KIF26A: variants seen among roughly 807,000 people sequenced by gnomAD.
KIF26A encodes the protein kinesin family member 26A, also known as kinesin-like protein KIF26A.
A neutral mutation model predicts 126.0 loss-of-function variants in KIF26A; 74 were observed. That is an observed-to-expected ratio of 0.59 (90% CI 0.49 to 0.71). KIF26A has a LOEUF of 0.71. KIF26A is among the 30% of genes least tolerant of loss of function. The pLI is 0.00. For synonymous variants in KIF26A, 1,445 were observed against 1,232.7 expected (o/e 1.17, Z -3.61); for missense variants, 2,984 against 2,763.3 (o/e 1.08, Z -1.79).
chr14:104,139,195 C>T lies in KIF26A; in HGVS notation c.195C>T (p.Gly65=), dbSNP rs1418087142. The T allele has an allele frequency of 1.0e-5, 16 of 1,547,854 alleles. No homozygotes were observed. The South Asian group carries it at 1.6e-4, about 15-fold the overall frequency. The change falls in exon 2 of 15, where the codon GGC becomes GGT. Residue 65 remains glycine (G), a synonymous_variant. Coordinates refer to ENST00000423312, the MANE Select transcript of KIF26A (RefSeq NM_015656.2). The part of the protein sequence containing the change: ...GAGPEQGHSA[G]GGGWCRHCHT... ...GCCCAGAGCAGGGCCACTCGGCCGG[C>T]GGAGGCGGCTGGTGCCGCCACTGCC...
chr14:104,174,135 C>A lies in KIF26A; in HGVS notation c.2031-13C>A. 1 of 1,547,066 alleles carries A rather than the reference C, an allele frequency of 6.5e-7. No homozygotes were observed. Among genetic ancestry groups the A allele is most frequent in the Non-Finnish European group, 8.8e-7 (1 of 1,142,718 alleles). On this transcript the variant is annotated splice_polypyrimidine_tract_variant and intron_variant, in intron 10 of 14. Coordinates refer to ENST00000423312, the MANE Select transcript of KIF26A (RefSeq NM_015656.2). ...TCCCAAGGCCTTGGCATCTGAACCGCCTCGACCCGCAGGGACCACAGGCTC... is the reference window on the plus strand; with the variant it reads ...TCCCAAGGCCTTGGCATCTGAACCGACTCGACCCGCAGGGACCACAGGCTC...
intron 2 of KIF26A, among the ~76,000 whole-genome samples, chr14:104,149,323 G>A (rs767992753): frequency 3.2e-4 from 49 of 152,176 alleles, no homozygotes; most frequent in Admixed American, 1.6e-3. Flanking sequence ...GGAGGGGTGC[G>A]TGGCCCACTC....
intron 4 of KIF26A, among the ~76,000 whole-genome samples, chr14:104,164,000 C>T (rs187191794): frequency 1.1e-3 from 170 of 152,292 alleles, no homozygotes; most frequent in Middle Eastern, 3.4e-3. Flanking sequence ...CACCACTGCC[C>T]TACTAAGGAC....
chr14:104,174,310 G>C lies in KIF26A; in HGVS notation c.2193G>C (p.Lys731Asn). The change falls in exon 11 of 15, where the codon AAG becomes AAC. Residue 731 changes from lysine to asparagine, a missense_variant and splice_region_variant. Lys to Asn is a moderately conservative substitution (Grantham distance 94, BLOSUM62 0). Coordinates refer to ENST00000423312, the MANE Select transcript of KIF26A (RefSeq NM_015656.2). The part of the protein sequence containing the change: ...RIHRLRRKKA[K>N]YASSSSGGES... Reference sequence around the variant, plus strand: ...ACCGCCTGCGCAGGAAGAAGGCCAAGGTGCTCCCCACCTCCTGCCCGCCCC... The same window carrying C: ...ACCGCCTGCGCAGGAAGAAGGCCAACGTGCTCCCCACCTCCTGCCCGCCCC... 6.5e-7 allele frequency: 1 copy of C among 1,531,514 alleles called. No individual in the cohort carries two copies. The highest frequency in any genetic ancestry group is 2.5e-5 in the East Asian group (1 of 40,094). 94.9% of individuals were successfully genotyped at this position (1,531,514 alleles called of 1,614,324 possible). A position where few individuals can be genotyped will look rare whatever the true frequency, so the allele number is the denominator to read the frequency against.
At chr14:104,160,559 A>G (rs575073419) in intron 4 of KIF26A, among the ~76,000 whole-genome samples, 9 of 152,268 alleles carry the variant, frequency 5.9e-5, no homozygotes, top group African/African-American at 2.2e-4. Flanking sequence ...CAGCTGTGAC[A>G]GAGCTTGGCA....
Position 104,177,645 on chromosome 14 carries a change from A to G in KIF26A, c.4857A>G (p.Pro1619=), listed in dbSNP as rs1245550301. 3 of 1,526,262 alleles carry G rather than the reference A, an allele frequency of 2.0e-6. No homozygotes were observed. The highest frequency in any genetic ancestry group is 2.6e-6 in the Non-Finnish European group (3 of 1,141,172). The allele number at this position is 1,526,262 out of a possible 1,614,324, so 94.5% of individuals were successfully genotyped here. ...CCCCCTACAGCAAGGTGACCGCCCC[A>G]CGGCGGCCCCAGCGCTACAGCAGCG... ...LPSPYSKVTA[P]RRPQRYSSGH... is the part of the protein sequence containing the mutation. Residue 1619 remains proline (P), a synonymous_variant, in exon 12 of 15, where the codon CCA becomes CCG. Coordinates refer to ENST00000423312, the MANE Select transcript of KIF26A (RefSeq NM_015656.2).
At chr14:104,155,285 T>C (rs542045261) in intron 3 of KIF26A, among the ~76,000 whole-genome samples, 53 of 152,312 alleles carry the variant, frequency 3.5e-4, no homozygotes, top group African/African-American at 1.3e-3. Context: ...GGAGGGCTCC[T>C]AAGAAGAGAG....
intron 5 of KIF26A, among the ~76,000 whole-genome samples, chr14:104,170,150 GTC>G (rs1427277392): frequency 6.6e-6 from 1 of 152,244 alleles, no homozygotes; most frequent in Non-Finnish European, 1.5e-5. Context: ...CCGCTAGGAA[GTC>G]TCTCAAATCT....
Position 104,176,170 on chromosome 14 carries a change from A to G in KIF26A, c.3382A>G (p.Thr1128Ala). The change falls in exon 12 of 15, where the codon ACG (threonine) becomes GCG (alanine). Residue 1128 changes from threonine to alanine, a missense_variant. Physicochemically the swap from Thr to Ala is moderately conservative, Grantham distance 58. Transcript: ENST00000423312. ...SVCTADSRDP[T>A]PQPRFSPDSL... ...CTGCACTGCCGACAGCCGTGACCCCACGCCGCAGCCCCGCTTCAGCCCCGA... is the reference window on the plus strand; with the variant it reads ...CTGCACTGCCGACAGCCGTGACCCCGCGCCGCAGCCCCGCTTCAGCCCCGA... 1 of 1,592,228 alleles carries G rather than the reference A, an allele frequency of 6.3e-7. No individual in the cohort carries two copies. The highest frequency in any genetic ancestry group is 8.5e-7 in the Non-Finnish European group (1 of 1,170,614).
Position 104,171,789 on chromosome 14 carries a change from C to T in KIF26A, c.1180C>T (p.Leu394=), listed in dbSNP as rs1056200641. 6.3e-7 allele frequency: 1 copy of T among 1,575,082 alleles called. No individual in the cohort carries two copies. The highest frequency in any genetic ancestry group is 8.6e-7 in the Non-Finnish European group (1 of 1,161,318). ...AQRSAEAMSF[L]KVDPRKKQVI... ...GCGCTCGGCCGAGGCCATGTCCTTCCTGAAGGTGGACCCTCGGAAGAAGCA... is the reference window on the plus strand; with the variant it reads ...GCGCTCGGCCGAGGCCATGTCCTTCTTGAAGGTGGACCCTCGGAAGAAGCA... The change falls in exon 6 of 15, where the codon CTG becomes TTG. Residue 394 remains leucine (L), a synonymous_variant. Coordinates refer to ENST00000423312, the MANE Select transcript of KIF26A (RefSeq NM_015656.2).
intron 9 of KIF26A, 65 bp downstream of exon 9, chr14:104,173,578 G>A: frequency 1.2e-5 from 18 of 1,505,302 alleles, no homozygotes; most frequent in East Asian, 2.4e-5. Context: ...CCAGGCACAG[G>A]GGCCTGTCAT....
At position 104,177,443 on chromosome 14, in the gene KIF26A, C is replaced by T. The variant is rs1479837523; in HGVS notation, c.4655C>T (p.Thr1552Ile). The change falls in exon 12 of 15, where the codon ACC (threonine) becomes ATC (isoleucine). Residue 1552 changes from threonine to isoleucine, a missense_variant. Coordinates refer to ENST00000423312, the MANE Select transcript of KIF26A (RefSeq NM_015656.2). ...GTCGGGGCGAAGGCTGGCCGGGGTA[C>T]CGTCATGGGCACAAAGCAGGCGCTC... The part of the protein sequence containing the change: ...PSVGAKAGRG[T>I]VMGTKQALRA... 2 of 1,522,190 alleles carry T rather than the reference C, an allele frequency of 1.3e-6. No individual in the cohort carries two copies. Among genetic ancestry groups the T allele is most frequent in the East Asian group, 2.5e-5 (1 of 40,620 alleles). The allele number at this position is 1,522,190 out of a possible 1,614,324, so 94.3% of individuals were successfully genotyped here. A position where few individuals can be genotyped will look rare whatever the true frequency, so the allele number is the denominator to read the frequency against.
rs1039368994 is a variant in KIF26A, at chr14:104,161,614, G to T, written c.923+3672G>T. Among the ~76,000 whole-genome samples, 63 of 152,234 alleles carry T rather than the reference G, an allele frequency of 4.1e-4. 1 individual carries two copies. The highest frequency in any genetic ancestry group is 1.4e-3 in the African/African-American group (56 of 41,470). On this transcript the variant is annotated intron_variant, in intron 4 of 14. Transcript: ENST00000423312. ...CCTGGTGGCTCTGGGGGCCGTTCAG[G>T]TGCCCGCTGTCTCGTTCATCCTCGC...
rs140687023 is a variant in KIF26A at position 104,157,140 on chromosome 14, C to G, written c.736-615C>G. On this transcript the variant is annotated intron_variant, in intron 3 of 14. Transcript: ENST00000423312. ...ATGGAACGTGCGGAGGTGGAGCTCA[C>G]GTTTGCTGGGCTGTCCCGGGCGTTT... Among the ~76,000 whole-genome samples the G allele has an allele frequency of 2.1e-3, 326 of 152,248 alleles. 13 individuals are homozygous for G. In the East Asian group the frequency reaches 0.056, roughly 26 times the overall value.
chr14:104,159,687 TTCCA>T (rs979311766), intron 4 of KIF26A, among the ~76,000 whole-genome samples: 3 of 152,232 alleles, frequency 2.0e-5, no homozygotes, highest in African/African-American at 7.2e-5. Context: ...CTGCCATTAC[TTCCA>T]GCCTGTTAGG....
chr14:104,154,601 C>A (rs1487547920), intron 3 of KIF26A, among the ~76,000 whole-genome samples: 1 of 152,364 alleles, frequency 6.6e-6, no homozygotes, highest in Middle Eastern at 3.4e-3. Flanking sequence ...CTGTGCCCCA[C>A]GCCTCCTGCC....
At chr14:104,172,111 T>C (rs923383452) in intron 6 of KIF26A, among the ~76,000 whole-genome samples, 176 bp downstream of exon 6, 1 of 152,244 alleles carries the variant, frequency 6.6e-6, no homozygotes, top group Admixed American at 6.5e-5. Flanking sequence ...GCCAGCGTCC[T>C]TGGGTGTCTC....
At chr14:104,179,543 G>A (rs2034365082) in intron 14 of KIF26A, 66 bp from the exon 15 acceptor site, 3 of 1,446,644 alleles carry the variant, frequency 2.1e-6, no homozygotes, top group Non-Finnish European at 2.7e-6. Flanking sequence ...GCCTCTGGGG[G>A]GCCAGGTGGC....
At position 104,175,648 on chromosome 14, in the gene KIF26A, C is replaced by G. The variant is rs1216768840; in HGVS notation, c.2860C>G (p.Pro954Ala). ...GAGGCCACTGCCCAGCCCGGCTCCC[C>G]CACCTCCTCAGTTGCTGGAAGCCTG... ...GRRPLPSPAP[P>A]PPQLLEACRA... The change falls in exon 12 of 15, where the codon CCA becomes GCA. Residue 954 changes from proline to alanine, a missense_variant. Transcript: ENST00000423312. 6 of 1,610,010 alleles carry G rather than the reference C, an allele frequency of 3.7e-6. No homozygotes were observed. The East Asian group carries it at 8.9e-5, about 24-fold the overall frequency.
Sources: allele counts gnomAD v4.1 joint callset (sites outside exome capture counted in the v4.1 genomes callset), GRCh38; gene constraint gnomAD v4.1.1; transcripts MANE v1.5; gene names NCBI Gene and HGNC (gene_info 2026-07-23, HGNC 2026-07-21).